Variants in ABTB2 observed in about 807,000 individuals in gnomAD.
ABTB2 encodes the protein ankyrin repeat and BTB domain containing 2, also known as ankyrin repeat and BTB/POZ domain-containing protein 2.
In ABTB2, 56 loss-of-function variants were observed where a neutral mutation model predicts 104.1. That is an observed-to-expected ratio of 0.54 (90% confidence interval 0.43 to 0.67). ABTB2 has a LOEUF of 0.67. Among genes scored for constraint, ABTB2 ranks in the 30% least tolerant of loss-of-function variants. The pLI is 0.00. For synonymous variants in ABTB2, 606 were observed against 608.2 expected (o/e 1.00, Z 0.05); for missense variants, 1,279 against 1,407.7 (o/e 0.91, Z 1.46).
chr11:34,243,038 A>G (rs1194808701), intron 1 of ABTB2, among the ~76,000 whole-genome samples: 6 of 152,120 alleles, frequency 3.9e-5, no homozygotes, highest in Admixed American at 3.9e-4. Context: ...GACAGTCCGA[A>G]TCTGGGAGCC....
At chr11:34,326,231 G>A (rs1243801321) in intron 1 of ABTB2, among the ~76,000 whole-genome samples, 2 of 152,030 alleles carry the variant, frequency 1.3e-5, no homozygotes, top group African/African-American at 4.8e-5. Flanking sequence ...GTTGACAATG[G>A]AAAATTAAGT....
At chr11:34,331,432 T>G (rs1855128609) in intron 1 of ABTB2, among the ~76,000 whole-genome samples, 1 of 152,182 alleles carries the variant, frequency 6.6e-6, no homozygotes, top group Non-Finnish European at 1.5e-5. Context: ...TTACTCTCTT[T>G]TCTAACTGTA....
Position 34,151,553 on chromosome 11 carries a change from A to C in ABTB2, c.*834T>G, listed in dbSNP as rs1181950016. 3 of 152,316 alleles carry C rather than the reference A, an allele frequency of 2.0e-5. No homozygotes were observed. The highest frequency in any genetic ancestry group is 7.2e-5 in the African/African-American group (3 of 41,468). The allele number at this position is 152,316 out of a possible 1,614,324, so 9.4% of individuals were successfully genotyped here. On this transcript the variant is annotated 3_prime_UTR_variant, in exon 17 of 17. Transcript: ENST00000435224. ...ACAAAGGCAACCTAGTCTAGGCCTG[A>C]GGTTCCAGAATCCACCCATTTACTT...
At chr11:34,172,306 A>T (rs1157850172) in intron 4 of ABTB2, among the ~76,000 whole-genome samples, 7 of 146,530 alleles carry the variant, frequency 4.8e-5, no homozygotes, top group Non-Finnish European at 9.0e-5. Context: ...CAGGAGGCAG[A>T]GATTTCAGAG....
intron 1 of ABTB2, among the ~76,000 whole-genome samples, chr11:34,327,000 G>A (rs531468484): frequency 2.0e-5 from 3 of 152,300 alleles, no homozygotes; most frequent in African/African-American, 7.2e-5. Flanking sequence ...GCTTAAACCC[G>A]GGAGGTGGAG....
At chr11:34,248,112 A>C (rs543058933) in intron 1 of ABTB2, among the ~76,000 whole-genome samples, 15 of 68,010 alleles carry the variant, frequency 2.2e-4, no homozygotes, top group East Asian at 9.2e-4. Context: ...AAAAAAAAAA[A>C]AAAAAAAAAA....
chr11:34,258,157 A>T lies in ABTB2; in HGVS notation c.884-53467T>A, dbSNP rs115473670. 4.2e-3 allele frequency among the ~76,000 whole-genome samples: 645 copies of T among 152,324 alleles called. 2 individuals are homozygous for T. Among genetic ancestry groups the T allele is most frequent in the African/African-American group, 0.015 (617 of 41,578 alleles). On this transcript the variant is annotated intron_variant, in intron 1 of 16. Transcript: ENST00000435224. Reference sequence around the variant, plus strand: ...TGTCCCCATAGAAATCTCAGGATTAAGGGTCCCAGGGCATACTTTATGGAT... The same window carrying T: ...TGTCCCCATAGAAATCTCAGGATTATGGGTCCCAGGGCATACTTTATGGAT...
intron 9 of ABTB2, 135 bp downstream of exon 9, chr11:34,164,551 T>C (rs1852770326): frequency 1.8e-6 from 2 of 1,100,376 alleles, no homozygotes; most frequent in Non-Finnish European, 2.4e-6. Flanking sequence ...GTTTCTGGTT[T>C]ACTAGCACAC....
chr11:34,244,981 C>T (rs1035455155), intron 1 of ABTB2, among the ~76,000 whole-genome samples: 1 of 152,130 alleles, frequency 6.6e-6, no homozygotes, highest in Non-Finnish European at 1.5e-5. Context: ...GCACTCCAGT[C>T]TGGATGACAG....
intron 1 of ABTB2, among the ~76,000 whole-genome samples, chr11:34,268,853 C>T (rs1177296947): frequency 6.6e-6 from 1 of 152,168 alleles, no homozygotes; most frequent in Admixed American, 6.5e-5. Flanking sequence ...TTCAGATGCC[C>T]CTCTTACTCT....
intron 1 of ABTB2, among the ~76,000 whole-genome samples, chr11:34,245,554 G>T (rs1451432475): frequency 6.6e-6 from 1 of 152,190 alleles, no homozygotes; most frequent in Non-Finnish European, 1.5e-5. Flanking sequence ...CATAGCAATT[G>T]ATCTCTAGTT....
At chr11:34,305,104 C>A (rs1436114655) in intron 1 of ABTB2, among the ~76,000 whole-genome samples, 1 of 152,222 alleles carries the variant, frequency 6.6e-6, no homozygotes, top group Non-Finnish European at 1.5e-5. Context: ...GCACACATCT[C>A]AGGCTAAAGA....
chr11:34,344,702 T>C lies in ABTB2; in HGVS notation c.883+11999A>G, dbSNP rs555565088. Among the ~76,000 whole-genome samples the C allele has an allele frequency of 1.3e-4, 20 of 152,320 alleles. No homozygotes were observed. In the South Asian group the frequency reaches 3.9e-3, roughly 30 times the overall value. Reference sequence around the variant, plus strand: ...TTGTAGAAACGGGGTTTCACCGTGTTGCCCGGTCTGATCTCGAACTCCTGG... The same window carrying C: ...TTGTAGAAACGGGGTTTCACCGTGTCGCCCGGTCTGATCTCGAACTCCTGG... On this transcript the variant is annotated intron_variant, in intron 1 of 16. Transcript: ENST00000435224.
At chr11:34,203,681 G>T (rs923788708) in intron 2 of ABTB2, among the ~76,000 whole-genome samples, 1 of 152,238 alleles carries the variant, frequency 6.6e-6, no homozygotes, top group African/African-American at 2.4e-5. Flanking sequence ...CCTGTCTGTA[G>T]AGGGGGCAGA....
rs1313041239 is a variant in ABTB2 at position 34,357,516 on chromosome 11, G to A, written c.68C>T (p.Ala23Val). The A allele has an allele frequency of 6.5e-7, 1 of 1,540,008 alleles. No homozygotes were observed. The highest frequency in any genetic ancestry group is 8.7e-7 in the Non-Finnish European group (1 of 1,146,662). ...GCTGAGCGAGCGGCACGAGTCCCCG[G>A]CCCCATACCCGGAGTCCAAGGTCAA... ...EDLTLDSGYG[A>V]GDSCRSLSLS... The change falls in exon 1 of 17, where the codon GCC becomes GTC. Residue 23 changes from alanine to valine, a missense_variant. Transcript: ENST00000435224.
intron 1 of ABTB2, among the ~76,000 whole-genome samples, chr11:34,226,352 G>T (rs1159082702): frequency 6.6e-6 from 1 of 152,046 alleles, no homozygotes; most frequent in Non-Finnish European, 1.5e-5. Context: ...TTTAAAAGAG[G>T]AGCTCTCCTA....
chr11:34,284,967 C>T (rs1854487178), intron 1 of ABTB2, among the ~76,000 whole-genome samples: 1 of 152,240 alleles, frequency 6.6e-6, no homozygotes, highest in Non-Finnish European at 1.5e-5. Flanking sequence ...AATCAGCTGC[C>T]AGCTCCGCTG....
intron 1 of ABTB2, among the ~76,000 whole-genome samples, chr11:34,215,868 G>C (rs7124662): frequency 1.3e-5 from 2 of 152,182 alleles, no homozygotes; most frequent in East Asian, 3.9e-4. Context: ...AAAAGTTATT[G>C]TCACTATTAG....
chr11:34,234,693 G>A (rs1853817763), intron 1 of ABTB2, among the ~76,000 whole-genome samples: 1 of 152,120 alleles, frequency 6.6e-6, no homozygotes, highest in African/African-American at 2.4e-5. Flanking sequence ...GCCAAGCCCT[G>A]GGACAGTCAG....
Sources: allele counts gnomAD v4.1 joint callset (sites outside exome capture counted in the v4.1 genomes callset), GRCh38; gene constraint gnomAD v4.1.1; transcripts MANE v1.5; gene names NCBI Gene and HGNC (gene_info 2026-07-23, HGNC 2026-07-21).